FHIP1A: variants seen among roughly 807,000 people sequenced by gnomAD.
The protein encoded by FHIP1A is FHF complex subunit HOOK-interacting protein 1A.
FHIP1A carries 61 observed loss-of-function variants against 88.6 expected under a neutral mutation model. The ratio of observed to expected loss-of-function variants is 0.69; its 90% CI spans 0.56 to 0.85. The LOEUF (loss-of-function observed/expected upper bound fraction) is 0.85, where lower values mean the gene tolerates loss of function less well. Ranked by LOEUF, FHIP1A falls within the 40% of genes least tolerant of loss-of-function variation. The probability of loss-of-function intolerance (pLI) is 0.00; values close to 1 mark genes in which losing one functional copy is unlikely to be tolerated. For missense variants in FHIP1A, 1,154 were observed against 1,273.5 expected (o/e 0.91, Z 1.43); for synonymous variants, 478 against 496.0 (o/e 0.96, Z 0.48).
chr4:151,623,004 G>A (rs551306993), intron 7 of FHIP1A, among the ~76,000 whole-genome samples: 3 of 152,292 alleles, frequency 2.0e-5, no homozygotes, highest in Non-Finnish European at 2.9e-5. Context: ...GGCTATAGAC[G>A]TAGCCATTTG....
chr4:151,486,181 C>T (rs1730075563), intron 3 of FHIP1A, among the ~76,000 whole-genome samples: 2 of 152,284 alleles, frequency 1.3e-5, no homozygotes, highest in South Asian at 2.1e-4. Flanking sequence ...CTGCTTACCT[C>T]CTGCTTGGTG....
chr4:151,587,807 T>C (rs1317647298), intron 6 of FHIP1A, among the ~76,000 whole-genome samples: 4 of 152,116 alleles, frequency 2.6e-5, no homozygotes, highest in Non-Finnish European at 5.9e-5. Context: ...GTTTTATTTA[T>C]ATATAAGAAA....
chr4:151,631,282 G>A (rs1165071850), intron 8 of FHIP1A, among the ~76,000 whole-genome samples: 2 of 151,954 alleles, frequency 1.3e-5, no homozygotes, highest in Non-Finnish European at 2.9e-5. Flanking sequence ...ACTAAAATGA[G>A]AAATGAAAGA....
chr4:151,575,824 T>C (rs1733767008), intron 4 of FHIP1A, among the ~76,000 whole-genome samples: 1 of 152,196 alleles, frequency 6.6e-6, no homozygotes, highest in African/African-American at 2.4e-5. Flanking sequence ...TCATTGCTCA[T>C]GCATGCATTA....
At chr4:151,512,596 G>T (rs1001616214) in intron 3 of FHIP1A, among the ~76,000 whole-genome samples, 154 of 152,216 alleles carry the variant, frequency 1.0e-3, no homozygotes, top group Non-Finnish European at 1.5e-3. Context: ...CCAATACAGA[G>T]AAGTGCTTAA....
At chr4:151,495,191 TTAGAAAGTA>T (rs1184251293) in intron 3 of FHIP1A, among the ~76,000 whole-genome samples, 1 of 152,084 alleles carries the variant, frequency 6.6e-6, no homozygotes, top group African/African-American at 2.4e-5. Context: ...GATCAAATTA[TTAGAAAGTA>T]TAGAAAAAAG....
intron 7 of FHIP1A, among the ~76,000 whole-genome samples, chr4:151,623,511 C>A (rs1735826651): frequency 7.3e-6 from 1 of 136,836 alleles, no homozygotes; most frequent in African/African-American, 2.7e-5. Context: ...CTCCCGCTGA[C>A]TTCCTGGTCC....
chr4:151,459,570 A>T (rs1330667364), intron 2 of FHIP1A, among the ~76,000 whole-genome samples: 1 of 152,208 alleles, frequency 6.6e-6, no homozygotes, highest in Non-Finnish European at 1.5e-5. Flanking sequence ...TTCCATCTGT[A>T]ATATCATTTA....
At position 151,649,968 on chromosome 4, in the gene FHIP1A, A is replaced by G. The variant is rs1736953752; in HGVS notation, c.1927A>G (p.Met643Val). Residue 643 changes from methionine to valine, a missense_variant, in exon 11 of 14, where the codon ATG (methionine) becomes GTG (valine). By Grantham distance (21) the Met-to-Val change is conservative. Coordinates refer to ENST00000435205, the MANE Select transcript of FHIP1A (RefSeq NM_001109977.3). The stretch of plus-strand genomic sequence containing the variant: ...AGAGTCGGACTTTCAGGATGATGTG[A>G]TGGTGTACAGGCTGTGTGCTGAGAA... ...IEESDFQDDV[M>V]VYRLCAEKDS... 1 of 1,551,504 alleles carries G rather than the reference A, an allele frequency of 6.4e-7. No individual in the cohort carries two copies. The highest frequency in any genetic ancestry group is 8.7e-7 in the Non-Finnish European group (1 of 1,146,940).
At chr4:151,588,780 AT>A in intron 6 of FHIP1A, 59 bp from the exon 7 acceptor site, 1 of 1,082,760 alleles carries the variant, frequency 9.2e-7, no homozygotes, top group Non-Finnish European at 1.4e-6. Context: ...GAATTGTTTT[AT>A]TTTAAGAACT....
intron 1 of FHIP1A, among the ~76,000 whole-genome samples, chr4:151,427,433 T>C (rs1733423545): frequency 6.6e-6 from 1 of 152,132 alleles, no homozygotes; most frequent in African/African-American, 2.4e-5. Context: ...GTTGTTGATA[T>C]ATGAGACTAG....
chr4:151,512,219 C>G (rs1731063669), intron 3 of FHIP1A, among the ~76,000 whole-genome samples: 1 of 152,224 alleles, frequency 6.6e-6, no homozygotes, highest in Admixed American at 6.5e-5. Flanking sequence ...AGACCTGCAG[C>G]TGAGGGTCCT....
chr4:151,605,106 GCTTGTC>G (rs1228593156), intron 7 of FHIP1A, among the ~76,000 whole-genome samples: 1 of 152,144 alleles, frequency 6.6e-6, no homozygotes, highest in African/African-American at 2.4e-5. Context: ...TGGCTTCAGT[GCTTGTC>G]CTGGATCTGG....
chr4:151,665,711 GA>G lies in FHIP1A; in HGVS notation c.*2964del, dbSNP rs992436582. On this transcript the variant is annotated 3_prime_UTR_variant, in exon 14 of 14. Coordinates refer to ENST00000435205, the MANE Select transcript of FHIP1A (RefSeq NM_001109977.3). Reference sequence around the variant, plus strand: ...GGTGAGAATGGGAACTCCTTGTCAGGAAAAAAATCATTGGCAATGAAGTAGA... The same window carrying G: ...GGTGAGAATGGGAACTCCTTGTCAGGAAAAAATCATTGGCAATGAAGTAGA... Among the ~76,000 whole-genome samples the G allele has an allele frequency of 2.0e-5, 3 of 152,154 alleles. No individual in the cohort carries two copies. Among genetic ancestry groups the G allele is most frequent in the African/African-American group, 7.2e-5 (3 of 41,432 alleles).
intron 3 of FHIP1A, among the ~76,000 whole-genome samples, chr4:151,554,797 C>T (rs1056202338): frequency 6.6e-6 from 1 of 152,138 alleles, no homozygotes; most frequent in Non-Finnish European, 1.5e-5. Flanking sequence ...TATACTTTTG[C>T]AACCATTTAC....
chr4:151,569,308 C>T (rs1273143500), intron 4 of FHIP1A, among the ~76,000 whole-genome samples: 1 of 152,152 alleles, frequency 6.6e-6, no homozygotes, highest in Non-Finnish European at 1.5e-5. Flanking sequence ...AATCCCAGCA[C>T]TTTGGAAGGA....
At chr4:151,526,639 G>A (rs1253519668) in intron 3 of FHIP1A, among the ~76,000 whole-genome samples, 4 of 150,892 alleles carry the variant, frequency 2.7e-5, no homozygotes, top group South Asian at 2.1e-4. Context: ...CCTCCCGGAC[G>A]GGGCGGCTGG....
At chr4:151,591,219 T>G (rs1306679207) in intron 7 of FHIP1A, among the ~76,000 whole-genome samples, 3 of 151,984 alleles carry the variant, frequency 2.0e-5, no homozygotes, top group Non-Finnish European at 2.9e-5. Context: ...ATTTCATGAG[T>G]GGCAGGACAG....
intron 1 of FHIP1A, among the ~76,000 whole-genome samples, chr4:151,449,921 A>G (rs1728734601): frequency 1.3e-5 from 2 of 152,180 alleles, no homozygotes; most frequent in Non-Finnish European, 2.9e-5. Flanking sequence ...TTTTTAAATA[A>G]TAGATTTGCA....
Sources: gnomAD v4.1 joint callset for allele counts (sites outside exome capture counted in the v4.1 genomes callset) on GRCh38, gnomAD v4.1.1 for gene constraint, MANE v1.5 for transcripts, NCBI Gene and HGNC (gene_info 2026-07-23, HGNC 2026-07-21) for gene names.